Variants in FRMPD4 observed in about 807,000 individuals in gnomAD.
The protein encoded by FRMPD4 is FERM and PDZ domain containing 4, also known as FERM and PDZ domain-containing protein 4.
FRMPD4 carries 22 observed loss-of-function variants against 94.1 expected under a neutral mutation model. That is an observed-to-expected ratio of 0.23 (90% CI 0.17 to 0.33). FRMPD4 has a LOEUF of 0.33. Among genes scored for constraint, FRMPD4 ranks in the 10% least tolerant of loss-of-function variants. FRMPD4 has a pLI of 1.00. For missense variants in FRMPD4, 1,111 were observed against 1,339.9 expected (o/e 0.83, Z 2.67); for synonymous variants, 631 against 548.6 (o/e 1.15, Z -2.10).
intron 1 of FRMPD4, among the ~76,000 whole-genome samples, chrX:12,218,377 G>T: frequency 8.9e-6 from 1 of 111,824 alleles, no homozygotes. Flanking sequence ...TCTCAGCATG[G>T]GCTTGGGGGT....
intron 1 of FRMPD4, among the ~76,000 whole-genome samples, chrX:12,144,971 A>G (rs939310511): frequency 9.0e-6 from 1 of 110,899 alleles, no homozygotes; most frequent in African/African-American, 3.3e-5. Flanking sequence ...AATCATTTCT[A>G]TGAAAGAAAT....
intron 6 of FRMPD4, among the ~76,000 whole-genome samples, chrX:12,684,814 T>G (rs753304778): frequency 2.7e-5 from 3 of 112,491 alleles, no homozygotes; most frequent in Non-Finnish European, 5.6e-5. Flanking sequence ...TACAGCAGTG[T>G]CAGTTCATCC....
At chrX:12,280,574 A>G (rs1330129962) in intron 1 of FRMPD4, among the ~76,000 whole-genome samples, 6 of 111,245 alleles carry the variant, frequency 5.4e-5, no homozygotes, top group African/African-American at 2.0e-4. Flanking sequence ...TATTGAAACC[A>G]TGATAGGCAT....
intron 2 of FRMPD4, among the ~76,000 whole-genome samples, chrX:12,608,095 G>A (rs766017683): frequency 5.3e-5 from 6 of 112,456 alleles, no homozygotes; most frequent in East Asian, 5.6e-4. Flanking sequence ...AATTAAACCC[G>A]TGTCATTGAA....
At chrX:12,265,560 A>G (rs991963216) in intron 1 of FRMPD4, among the ~76,000 whole-genome samples, 2 of 110,527 alleles carry the variant, frequency 1.8e-5, no homozygotes, top group African/African-American at 6.6e-5. Context: ...CCTTGGGGAA[A>G]TTTTCTCAGC....
At chrX:12,332,827 T>G (rs2147944662) in intron 1 of FRMPD4, among the ~76,000 whole-genome samples, 1 of 112,379 alleles carries the variant, frequency 8.9e-6, no homozygotes, top group East Asian at 2.8e-4. Flanking sequence ...TTCTTTCTTC[T>G]TAAAGACTTC....
At chrX:12,595,911 T>C (rs2059026355) in intron 2 of FRMPD4, among the ~76,000 whole-genome samples, 1 of 112,454 alleles carries the variant, frequency 8.9e-6, no homozygotes, top group South Asian at 3.7e-4. Flanking sequence ...CTAATCTATA[T>C]GCATTCCAAT....
chrX:12,220,396 T>C (rs1390388033), intron 1 of FRMPD4, among the ~76,000 whole-genome samples: 4 of 111,630 alleles, frequency 3.6e-5, no homozygotes, highest in African/African-American at 1.3e-4. Flanking sequence ...TTAATGAATT[T>C]TTACAACTGG....
intron 1 of FRMPD4, among the ~76,000 whole-genome samples, chrX:12,143,016 T>C (rs909197261): frequency 8.9e-6 from 1 of 112,509 alleles, no homozygotes. Context: ...CGTGGAAGTT[T>C]AGCTGTAAGA....
At chrX:12,618,702 G>A (rs1161806927) in intron 4 of FRMPD4, among the ~76,000 whole-genome samples, 12 of 111,036 alleles carry the variant, frequency 1.1e-4, no homozygotes, top group Non-Finnish European at 2.1e-4. Flanking sequence ...TCAAAATTTG[G>A]TCCTTCAAGG....
chrX:12,716,010 C>CCCCCCA, intron 14 of FRMPD4, 59 bp from the exon 15 acceptor site: 1 of 336,949 alleles, frequency 3.0e-6, no homozygotes. Context: ...CTCCCACCCC[C>CCCCCCA]GCCCCACCCA....
intron 3 of FRMPD4, among the ~76,000 whole-genome samples, chrX:11,955,020 AGACT>A (rs1228997258): frequency 1.8e-5 from 2 of 111,548 alleles, no homozygotes; most frequent in African/African-American, 6.5e-5. Context: ...ACAGTACTGG[AGACT>A]GAAAAGTCCA....
chrX:12,609,937 G>C, intron 3 of FRMPD4, 56 bp downstream of exon 3: 1 of 1,044,661 alleles, frequency 9.6e-7, no homozygotes, highest in Non-Finnish European at 1.3e-6. Context: ...CACTCTGCCA[G>C]AATAACTACT....
At chrX:12,149,869 T>C (rs1226157012) in intron 1 of FRMPD4, among the ~76,000 whole-genome samples, 1 of 111,829 alleles carries the variant, frequency 8.9e-6, no homozygotes, top group Non-Finnish European at 1.9e-5. Flanking sequence ...ACCCCAGCCT[T>C]CAGCAACCAC....
chrX:12,002,067 C>A (rs4497148), intron 3 of FRMPD4, among the ~76,000 whole-genome samples: 7,064 of 111,664 alleles, frequency 0.063, 245 homozygotes, highest in East Asian at 0.24. Context: ...TTAGGCGGTT[C>A]CTTGGAGGCC....
At chrX:12,683,937 C>T (rs1042020728) in intron 6 of FRMPD4, among the ~76,000 whole-genome samples, 35 of 112,206 alleles carry the variant, frequency 3.1e-4, no homozygotes, top group African/African-American at 1.1e-3. Context: ...TTTTTCTTCC[C>T]ATTCTGCTAA....
At chrX:12,352,152 C>T (rs928066209) in intron 1 of FRMPD4, among the ~76,000 whole-genome samples, 2 of 112,247 alleles carry the variant, frequency 1.8e-5, no homozygotes, top group African/African-American at 6.5e-5. Context: ...TCCACCTCTC[C>T]TCAACACTTG....
In FRMPD4 at chrX:12,284,152, T is replaced by G. The variant is rs1047346576; in HGVS notation, c.41+145140T>G. 3.6e-5 allele frequency among the ~76,000 whole-genome samples: 4 copies of G among 112,252 alleles called. No individual in the cohort carries two copies. The Admixed American group carries it at 3.8e-4, about 11-fold the overall frequency. On this transcript the variant is annotated intron_variant, in intron 1 of 16. Coordinates refer to ENST00000675598, the MANE Select transcript of FRMPD4 (RefSeq NM_001368397.1). ...GAACAGCTATTATCGTTGAACAGTA[T>G]GTTGGTATTATTTCTGGAAACTTTG...
At chrX:12,407,417 T>A (rs12844956) in intron 1 of FRMPD4, among the ~76,000 whole-genome samples, 27,917 of 111,001 alleles carry the variant, frequency 0.25, 2,825 homozygotes, top group Non-Finnish European at 0.31. Flanking sequence ...GGCTCCACCA[T>A]CTACAAGCTG....
Sources: gnomAD v4.1 joint callset for allele counts (sites outside exome capture counted in the v4.1 genomes callset) on GRCh38, gnomAD v4.1.1 for gene constraint, MANE v1.5 for transcripts, NCBI Gene and HGNC (gene_info 2026-07-23, HGNC 2026-07-21) for gene names.